The following PXDN variants were observed in gnomAD, a reference collection of about 807,000 sequenced individuals.
PXDN encodes peroxidasin, also known as peroxidasin homolog.
PXDN carries 77 observed loss-of-function variants against 140.3 expected under a neutral mutation model. The ratio of observed to expected loss-of-function variants is 0.55; its 90% CI spans 0.46 to 0.66. The LOEUF is 0.66. Ranked by LOEUF, PXDN falls within the 30% of genes least tolerant of loss-of-function variation. The pLI is 0.00. For missense variants in PXDN, 1,838 were observed against 2,039.5 expected, an observed-to-expected ratio of 0.90 and a Z score of 1.90; for synonymous variants, 911 against 857.4, an observed-to-expected ratio of 1.06 and a Z score of -1.09.
At chr2:1,664,760 G>C (rs1374217684) in intron 11 of PXDN, 198 bp downstream of exon 11, 1 of 554,754 alleles carries the variant, frequency 1.8e-6, no homozygotes, top group Non-Finnish European at 3.2e-6. Context: ...ATGTCCATGA[G>C]GGACGGCCAT....
At chr2:1,636,962 C>A (rs1463815394) in intron 21 of PXDN, 1 of 152,266 alleles carries the variant, frequency 6.6e-6, no homozygotes, top group Non-Finnish European at 1.5e-5. Context: ...GTGCTGTCAG[C>A]AGCTGCAAAA....
In PXDN at chr2:1,648,748, C is replaced by A; in HGVS notation, c.3032G>T (p.Gly1011Val). The A allele has an allele frequency of 1.2e-6, 2 of 1,604,100 alleles. No homozygotes were observed. Among genetic ancestry groups the A allele is most frequent in the Non-Finnish European group, 1.7e-6 (2 of 1,175,938 alleles). ...ELLKLNPHWD[G>V]DTIYYETRKI... is the part of the protein sequence containing the mutation. ...CCTGGTCTCATAGTAGATGGTGTCGCCGTCCCAGTGCGGGTTCAGCTTGAG... is the reference window on the plus strand; with the variant it reads ...CCTGGTCTCATAGTAGATGGTGTCGACGTCCCAGTGCGGGTTCAGCTTGAG... The change falls in exon 17 of 23, where the codon GGC (glycine) becomes GTC (valine). Residue 1011 changes from glycine (G) to valine (V), a missense_variant. Transcript: ENST00000252804. This position sits in a 1 kb window ranked among gnomAD's most constrained non-coding sequence, Gnocchi z 8.9.
At chr2:1,728,521 T>G (rs947846325) in intron 1 of PXDN, among the ~76,000 whole-genome samples, 4 of 152,234 alleles carry the variant, frequency 2.6e-5, no homozygotes, top group Admixed American at 2.6e-4. Flanking sequence ...GATACCCAGG[T>G]CCACAGCTGA....
At chr2:1,677,655 G>C (rs73180770) in intron 7 of PXDN, among the ~76,000 whole-genome samples, 101 of 151,798 alleles carry the variant, frequency 6.7e-4, no homozygotes, top group African/African-American at 2.3e-3. Context: ...GGCCTTCCTC[G>C]AGGGCTGACG....
intron 22 of PXDN, 31 bp downstream of exon 22, chr2:1,635,377 A>G (rs1682522292): frequency 3.9e-6 from 6 of 1,535,406 alleles, no homozygotes; most frequent in South Asian, 1.2e-5. Context: ...CGTATACCTT[A>G]GGACATGAAG....
chr2:1,689,395 T>G (rs941291401), intron 3 of PXDN, among the ~76,000 whole-genome samples: 1 of 152,208 alleles, frequency 6.6e-6, no homozygotes, highest in Non-Finnish European at 1.5e-5. Context: ...TGAAAGGGAA[T>G]CTTTTTAAAG....
chr2:1,671,232 T>C (rs935672185), intron 9 of PXDN, among the ~76,000 whole-genome samples: 8 of 152,282 alleles, frequency 5.3e-5, no homozygotes, highest in Middle Eastern at 3.4e-3. Flanking sequence ...AATGGGCACA[T>C]AGTGTCCAAA....
intron 1 of PXDN, among the ~76,000 whole-genome samples, chr2:1,720,471 T>C (rs1685015188): frequency 6.6e-6 from 1 of 151,352 alleles, no homozygotes; most frequent in Admixed American, 6.6e-5. Flanking sequence ...AAGGGAGGTG[T>C]ATTTTAAGGA....
intron 17 of PXDN, among the ~76,000 whole-genome samples, chr2:1,646,471 T>C (rs976850650): frequency 1.3e-5 from 2 of 152,202 alleles, no homozygotes; most frequent in Admixed American, 6.5e-5. Context: ...TCAGTCCTAA[T>C]TCAGCAAAAC....
intron 1 of PXDN, 30 bp downstream of exon 1, chr2:1,744,226 C>T (rs1463403285): frequency 3.4e-6 from 5 of 1,466,130 alleles, no homozygotes; most frequent in South Asian, 1.3e-5. Flanking sequence ...CCCCGGACCC[C>T]GCGCCCCCGG....
At chr2:1,640,172 G>A (rs569506403) in intron 19 of PXDN, among the ~76,000 whole-genome samples, 4 of 151,982 alleles carry the variant, frequency 2.6e-5, no homozygotes, top group Non-Finnish European at 4.4e-5. Context: ...CCTGGTCCCC[G>A]GGTGAGTGAG....
intron 14 of PXDN, among the ~76,000 whole-genome samples, chr2:1,658,247 A>ATATTCCC (rs200202536): frequency 0.053 from 8,050 of 151,968 alleles, 753 homozygotes; most frequent in African/African-American, 0.19. Flanking sequence ...TGTTGTCTTC[A>ATATTCCC]AATTTACACC....
intron 1 of PXDN, among the ~76,000 whole-genome samples, chr2:1,717,726 T>G (rs72493306): frequency 0.053 from 8,022 of 152,060 alleles, 390 homozygotes; most frequent in East Asian, 0.29. Flanking sequence ...CCTACTCCAC[T>G]AACCGACCAC....
intron 1 of PXDN, among the ~76,000 whole-genome samples, chr2:1,721,789 G>A (rs768216225): frequency 1.3e-5 from 2 of 151,780 alleles, no homozygotes; most frequent in African/African-American, 2.4e-5. Context: ...ACTCCAGCCT[G>A]GGAGACAGAG....
Position 1,646,547 on chromosome 2 carries a change from C to T in PXDN, c.3608+1625G>A, listed in dbSNP as rs1044072601. Among the ~76,000 whole-genome samples, 18 of 152,234 alleles carry T rather than the reference C, an allele frequency of 1.2e-4. 1 individual carries two copies. Among genetic ancestry groups the T allele is most frequent in the Middle Eastern group, 6.8e-3 (2 of 294 alleles). ...CACTTCCAAATGCCAGTAATTTAAG[C>T]GCATTATTTAAATGAATACTGGAAC... On this transcript the variant is annotated intron_variant, in intron 17 of 22. Transcript: ENST00000252804.
intron 7 of PXDN, among the ~76,000 whole-genome samples, chr2:1,677,687 G>A (rs1167249594): frequency 2.0e-5 from 3 of 152,154 alleles, no homozygotes; most frequent in African/African-American, 7.2e-5. Flanking sequence ...CCCGTCCCTG[G>A]TGGCTGCTCC....
intron 14 of PXDN, among the ~76,000 whole-genome samples, chr2:1,655,643 C>A (rs1015106589): frequency 1.3e-5 from 2 of 150,980 alleles, no homozygotes; most frequent in Admixed American, 6.6e-5. Context: ...CTGGCAGGAA[C>A]CTGCCTTCTC....
intron 1 of PXDN, among the ~76,000 whole-genome samples, chr2:1,698,683 G>A (rs1291588481): frequency 6.6e-6 from 1 of 152,156 alleles, no homozygotes; most frequent in African/African-American, 2.4e-5. Flanking sequence ...GGCATTTCAA[G>A]AGGTTAATCC....
At chr2:1,636,034 C>G (rs746857321) in intron 21 of PXDN, 1 of 237,202 alleles carries the variant, frequency 4.2e-6, no homozygotes, top group Non-Finnish European at 8.2e-6. Flanking sequence ...CTTGCAGGGC[C>G]GGGGGGCAGA....
Sources: gnomAD v4.1 joint callset for allele counts (sites outside exome capture counted in the v4.1 genomes callset) on GRCh38, gnomAD v4.1.1 for gene constraint, Gnocchi (gnomAD v3.1) non-coding constraint, MANE v1.5 for transcripts, NCBI Gene and HGNC (gene_info 2026-07-23, HGNC 2026-07-21) for gene names.